The following CD300LF variants were observed in gnomAD, a reference collection of about 807,000 sequenced individuals.
CD300LF encodes CMRF35-like molecule 1.
In CD300LF, 27 loss-of-function variants were observed where a neutral mutation model predicts 32.2. The ratio of observed to expected loss-of-function variants is 0.84; its 90% CI spans 0.62 to 1.15. The LOEUF is 1.15. Among genes scored for constraint, CD300LF ranks in the 50% most tolerant of loss-of-function variants. The probability of loss-of-function intolerance (pLI) is 0.00; values close to 1 mark genes in which losing one functional copy is unlikely to be tolerated. For missense variants in CD300LF, 348 were observed against 356.8 expected (o/e 0.98, Z 0.20); for synonymous variants, 139 against 143.2 (o/e 0.97, Z 0.21).
At chr17:74,712,032 C>T (rs1388322612) in intron 1 of CD300LF, among the ~76,000 whole-genome samples, 1 of 151,582 alleles carries the variant, frequency 6.6e-6, no homozygotes, top group Non-Finnish European at 1.5e-5. Context: ...AGCCTCCAGC[C>T]TCCCAAGTAG....
chr17:74,703,767 C>T (rs1478902684), intron 2 of CD300LF, among the ~76,000 whole-genome samples: 3 of 152,180 alleles, frequency 2.0e-5, no homozygotes, highest in Admixed American at 6.5e-5. Flanking sequence ...CAAGGGCCCT[C>T]GAGCCATCCT....
At chr17:74,709,489 T>G (rs2033790788) in intron 1 of CD300LF, among the ~76,000 whole-genome samples, 1 of 152,250 alleles carries the variant, frequency 6.6e-6, no homozygotes, top group African/African-American at 2.4e-5. Flanking sequence ...TGTTGAAGTT[T>G]TATGCACTTT....
chr17:74,707,232 A>G (rs1160883128), intron 1 of CD300LF, among the ~76,000 whole-genome samples: 1 of 152,220 alleles, frequency 6.6e-6, no homozygotes, highest in Non-Finnish European at 1.5e-5. Context: ...TGCAAACCAT[A>G]AATCTGACAA....
At chr17:74,696,954 G>GTTTGC (rs1188489625) in intron 4 of CD300LF, among the ~76,000 whole-genome samples, 1 of 151,740 alleles carries the variant, frequency 6.6e-6, no homozygotes, top group East Asian at 1.9e-4. Flanking sequence ...GTTTGGTTTG[G>GTTTGC]TTTTGAGATG....
intron 5 of CD300LF, 51 bp from the exon 6 acceptor site, chr17:74,695,910 A>T (rs1306419701): frequency 1.9e-6 from 3 of 1,583,714 alleles, no homozygotes; most frequent in Non-Finnish European, 2.6e-6. Context: ...CTGTGGACAC[A>T]GGTTCCTTTT....
intron 2 of CD300LF, 81 bp from the exon 3 acceptor site, chr17:74,703,179 G>A: frequency 6.4e-7 from 1 of 1,572,592 alleles, no homozygotes; most frequent in South Asian, 1.1e-5. Flanking sequence ...CCAGATCACA[G>A]ATGCCCCTGC....
intron 3 of CD300LF, among the ~76,000 whole-genome samples, chr17:74,701,883 G>A (rs562001001): frequency 6.6e-6 from 1 of 151,480 alleles, no homozygotes; most frequent in South Asian, 2.1e-4. Context: ...GCTGGGTGTG[G>A]TGGTGGGCGA....
rs951608423 is a variant in CD300LF at position 74,695,023 on chromosome 17, G to A, written c.*73C>T. ...CCCCGGGTTGGTCCTGATGAGGGGAGCAGGGGGCAGACGGTCGATGAGGCA... is the reference window on the plus strand; with the variant it reads ...CCCCGGGTTGGTCCTGATGAGGGGAACAGGGGGCAGACGGTCGATGAGGCA... On this transcript the variant is annotated 3_prime_UTR_variant, in exon 7 of 7. Transcript: ENST00000326165. The A allele has an allele frequency of 4.7e-6, 7 of 1,502,844 alleles. No individual in the cohort carries two copies. Among genetic ancestry groups the A allele is most frequent in the African/African-American group, 2.8e-5 (2 of 71,834 alleles). The allele number at this position is 1,502,844 out of a possible 1,614,324, so 93.1% of individuals were successfully genotyped here.
rs138467314 is a variant in CD300LF at position 74,708,628 on chromosome 17, A to C, written c.44-3812T>G. Reference sequence around the variant, plus strand: ...AATGGTTTTTAACATTAAAAAATCAATAAGGAGGCTGGACGCGGTGGCTTA... The same window carrying C: ...AATGGTTTTTAACATTAAAAAATCACTAAGGAGGCTGGACGCGGTGGCTTA... On this transcript the variant is annotated intron_variant, in intron 1 of 6. Coordinates refer to ENST00000326165, the MANE Select transcript of CD300LF (RefSeq NM_139018.5). Among the ~76,000 whole-genome samples, 10 of 152,362 alleles carry C rather than the reference A, an allele frequency of 6.6e-5. No homozygotes were observed. The East Asian group carries it at 1.9e-3, about 29-fold the overall frequency.
In CD300LF at chr17:74,704,473, C is replaced by T. The variant is rs201978912; in HGVS notation, c.382+5G>A. On this transcript the variant is annotated splice_donor_5th_base_variant and intron_variant, in intron 2 of 6. Transcript: ENST00000326165. ...AGACACACACATATATACACTCCCT[C>T]TTACCTGGGTCAATGGTCACTTGAA... 59 of 1,603,994 alleles carry T rather than the reference C, an allele frequency of 3.7e-5. No individual in the cohort carries two copies. The highest frequency in any genetic ancestry group is 4.7e-5 in the Non-Finnish European group (55 of 1,173,190).
chr17:74,705,399 G>T, intron 1 of CD300LF: 1 of 525,358 alleles, frequency 1.9e-6, no homozygotes, highest in African/African-American at 1.9e-5. Flanking sequence ...ATACAACACA[G>T]ATCCCACTTT....
intron 2 of CD300LF, 47 bp from the exon 3 acceptor site, chr17:74,703,145 T>C (rs2033216180): frequency 2.5e-6 from 4 of 1,611,734 alleles, no homozygotes; most frequent in African/African-American, 2.7e-5. Flanking sequence ...GAGTCGACGC[T>C]GTAGTTGATG....
chr17:74,711,578 A>T (rs2033964223), intron 1 of CD300LF, among the ~76,000 whole-genome samples: 1 of 152,230 alleles, frequency 6.6e-6, no homozygotes, highest in Non-Finnish European at 1.5e-5. Flanking sequence ...CTTCTGAAGC[A>T]TGAGGCAAAG....
Position 74,703,106 on chromosome 17 carries a change from C to T in CD300LF, c.383-8G>A, listed in dbSNP as rs367845495. 3 of 1,613,856 alleles carry T rather than the reference C, an allele frequency of 1.9e-6. No homozygotes were observed. Among genetic ancestry groups the T allele is most frequent in the Admixed American group, 1.7e-5 (1 of 60,020 alleles). Reference sequence around the variant, plus strand: ...CTTCTTGGGTGACTGGTGCTGTAAACGTAGTGGAGGTAGGCGTGGTGGGGG... The same window carrying T: ...CTTCTTGGGTGACTGGTGCTGTAAATGTAGTGGAGGTAGGCGTGGTGGGGG... On this transcript the variant is annotated splice_polypyrimidine_tract_variant and splice_region_variant and intron_variant, in intron 2 of 6. Coordinates refer to ENST00000326165, the MANE Select transcript of CD300LF (RefSeq NM_139018.5).
chr17:74,707,207 G>T (rs973838595), intron 1 of CD300LF, among the ~76,000 whole-genome samples: 3 of 152,158 alleles, frequency 2.0e-5, no homozygotes, highest in Admixed American at 6.5e-5. Flanking sequence ...AACCTACAGA[G>T]TGAGAGAAAA....
At chr17:74,701,900 T>C (rs1401250529) in intron 3 of CD300LF, among the ~76,000 whole-genome samples, 1 of 150,284 alleles carries the variant, frequency 6.7e-6, no homozygotes, top group Non-Finnish European at 1.5e-5. Context: ...GCGACTATAG[T>C]TCCCCCAGCT....
chr17:74,698,024 A>G (rs2032667821), intron 4 of CD300LF, among the ~76,000 whole-genome samples: 1 of 151,942 alleles, frequency 6.6e-6, no homozygotes, highest in Middle Eastern at 3.2e-3. Context: ...CATAGACCCA[A>G]CTCTAGCGTC....
intron 2 of CD300LF, among the ~76,000 whole-genome samples, chr17:74,703,989 G>A (rs911380966): frequency 2.0e-5 from 3 of 152,194 alleles, no homozygotes; most frequent in African/African-American, 7.2e-5. Flanking sequence ...TTCTGGACTT[G>A]GGAATTAGAC....
In CD300LF at chr17:74,696,125, A is replaced by G. The variant is rs371223421; in HGVS notation, c.582+70T>C. ...CTTCTCTGATATTTTGGACCTTCTGAGAGATGGAAAATGAGGAAGGGGAAA... is the reference window on the plus strand; with the variant it reads ...CTTCTCTGATATTTTGGACCTTCTGGGAGATGGAAAATGAGGAAGGGGAAA... On this transcript the variant is annotated intron_variant, in intron 5 of 6. Coordinates refer to ENST00000326165, the MANE Select transcript of CD300LF (RefSeq NM_139018.5). The G allele has an allele frequency of 7.4e-5, 115 of 1,545,816 alleles. No homozygotes were observed. The African/African-American group carries it at 1.4e-3, about 18-fold the overall frequency.
Sources: gnomAD v4.1 joint callset for allele counts (sites outside exome capture counted in the v4.1 genomes callset) on GRCh38, gnomAD v4.1.1 for gene constraint, MANE v1.5 for transcripts, NCBI Gene and HGNC (gene_info 2026-07-23, HGNC 2026-07-21) for gene names.